APC: variants seen among roughly 807,000 people sequenced by gnomAD.
APC encodes the protein APC regulator of Wnt signaling pathway, also known as adenomatous polyposis coli protein.
In APC, 72 loss-of-function variants were observed where a neutral mutation model predicts 247.0. The observed-to-expected ratio is 0.29, with a 90% CI of 0.24 to 0.35. APC has a LOEUF of 0.35. APC is among the 10% of genes least tolerant of loss of function. The probability of loss-of-function intolerance (pLI) is 1.00; values close to 1 mark genes in which losing one functional copy is unlikely to be tolerated. For missense variants in APC, 3,400 were observed against 3,360.7 expected (o/e 1.01, Z -0.29); for synonymous variants, 1,254 against 1,162.5 (o/e 1.08, Z -1.60).
At chr5:112,709,894 C>T (rs1750749613) in intron 1 of APC, among the ~76,000 whole-genome samples, 1 of 152,092 alleles carries the variant, frequency 6.6e-6, no homozygotes, top group Non-Finnish European at 1.5e-5. Context: ...GACAGTAAGA[C>T]CCTGTCTCCT....
chr5:112,716,102 G>A (rs1581015402), intron 1 of APC, among the ~76,000 whole-genome samples: 2 of 152,088 alleles, frequency 1.3e-5, no homozygotes, highest in Admixed American at 6.5e-5. Context: ...TTTCTGTTGC[G>A]TTAATTTCTG....
At chr5:112,735,558 T>C (rs1752341475), upstream of APC, among the ~76,000 whole-genome samples, 1 of 151,754 alleles carries the variant, frequency 6.6e-6, no homozygotes, top group African/African-American at 2.4e-5. Context: ...CAAATAGAGA[T>C]GGCAGGAGCT....
chr5:112,827,012 T>C (rs930195218), intron 11 of APC, 96 bp from the exon 12 acceptor site: 24 of 1,217,900 alleles, frequency 2.0e-5, no homozygotes, highest in African/African-American at 4.5e-5. Context: ...TTCTCATTGA[T>C]TGAGTTTTTT....
Position 112,844,191 on chromosome 5 carries a change from T to A in APC, c.*65T>A, listed in dbSNP as rs1461337157. 6.9e-7 allele frequency: 1 copy of A among 1,455,504 alleles called. No individual in the cohort carries two copies. The highest frequency in any genetic ancestry group is 9.4e-7 in the Non-Finnish European group (1 of 1,062,868). 90.2% of individuals were successfully genotyped at this position (1,455,504 alleles called of 1,614,324 possible). A position where few individuals can be genotyped will look rare whatever the true frequency, so the allele number is the denominator to read the frequency against. ...TACAACTGCTATATAGACATTTTGTTTCAAATGAAACTTTAAAAGACTGAA... is the reference window on the plus strand; with the variant it reads ...TACAACTGCTATATAGACATTTTGTATCAAATGAAACTTTAAAAGACTGAA... On this transcript the variant is annotated 3_prime_UTR_variant, in exon 16 of 16. Coordinates refer to ENST00000257430, the MANE Select transcript of APC (RefSeq NM_000038.6).
rs1554084362 is a variant in APC, at chr5:112,838,264, C to A, written c.2670C>A (p.Val890=). ...CCACTGCAGCCCAGATTGCCAAAGTCATGGAAGAAGTGTCAGCCATTCATA... is the reference window on the plus strand; with the variant it reads ...CCACTGCAGCCCAGATTGCCAAAGTAATGGAAGAAGTGTCAGCCATTCATA... The part of the protein sequence containing the change: ...ISTTAAQIAK[V]MEEVSAIHTS... The change falls in exon 16 of 16, where the codon GTC becomes GTA. Residue 890 remains valine, a synonymous_variant. Coordinates refer to ENST00000257430, the MANE Select transcript of APC (RefSeq NM_000038.6). 6.2e-7 allele frequency: 1 copy of A among 1,614,232 alleles called. No individual in the cohort carries two copies. Among genetic ancestry groups the A allele is most frequent in the South Asian group, 1.1e-5 (1 of 91,086 alleles).
intron 1 of APC, among the ~76,000 whole-genome samples, chr5:112,745,307 C>T (rs1240280556): frequency 6.6e-6 from 1 of 151,792 alleles, no homozygotes; most frequent in Admixed American, 6.6e-5. Context: ...ACTCAAAAAG[C>T]CTTATATACC....
chr5:112,763,421 C>A (rs981131928), intron 2 of APC, among the ~76,000 whole-genome samples: 1 of 151,642 alleles, frequency 6.6e-6, no homozygotes, highest in Admixed American at 6.6e-5. Flanking sequence ...TTTACAGTTG[C>A]ATAGTATTCC....
intron 1 of APC, among the ~76,000 whole-genome samples, chr5:112,753,523 A>C (rs1754613504): frequency 6.6e-6 from 1 of 152,216 alleles, no homozygotes; most frequent in Admixed American, 6.5e-5. Flanking sequence ...AAGGGCAAAG[A>C]TTAAATCATG....
intron 1 of APC, among the ~76,000 whole-genome samples, chr5:112,749,469 T>TAA (rs1308560590): frequency 6.7e-6 from 1 of 149,796 alleles, no homozygotes; most frequent in Non-Finnish European, 1.5e-5. Flanking sequence ...TATTAATACT[T>TAA]ACTGCTCCAA....
chr5:112,837,923 G>C lies in APC; in HGVS notation c.2329G>C (p.Asp777His), dbSNP rs1176994439. 1 of 1,614,036 alleles carries C rather than the reference G, an allele frequency of 6.2e-7. No homozygotes were observed. The highest frequency in any genetic ancestry group is 1.1e-5 in the South Asian group (1 of 91,070). ...CTTATCAGAAACTTTTGACAATATA[G>C]ACAATTTAAGTCCCAAGGCATCTCA... ...QHLSETFDNIDNLSPKASHRS... is the reference protein window; with the variant it reads ...QHLSETFDNIHNLSPKASHRS... Residue 777 changes from aspartate (D) to histidine (H), a missense_variant, in exon 16 of 16, where the codon GAC becomes CAC. Around this residue, in one of 9 missense-constraint regions of APC, gnomAD observed 91 missense variants for 103.3 expected, o/e 0.88. Transcript: ENST00000257430.
In APC at chr5:112,819,190, A is replaced by G. The variant is rs370669642; in HGVS notation, c.1158A>G (p.Ala386=). Residue 386 remains alanine, a synonymous_variant, in exon 10 of 16, where the codon GCA becomes GCG. Transcript: ENST00000257430. ...AGGCTCGGGCCAGGGCCAGTGCAGC[A>G]CTCCACAACATCATTCACTCACAGC... ...SKEARARASA[A]LHNIIHSQPD... The G allele has an allele frequency of 6.2e-6, 10 of 1,613,820 alleles. No homozygotes were observed. Among genetic ancestry groups the G allele is most frequent in the Non-Finnish European group, 7.6e-6 (9 of 1,179,974 alleles).
intron 14 of APC, chr5:112,829,397 A>C (rs1416189335): frequency 5.4e-6 from 1 of 184,254 alleles, no homozygotes; most frequent in Non-Finnish European, 1.1e-5. Flanking sequence ...CGGCCTCCCA[A>C]AGTGCTGGGA....
Position 112,844,217 on chromosome 5 carries a change from A to G in APC, c.*91A>G. On this transcript the variant is annotated 3_prime_UTR_variant, in exon 16 of 16. Coordinates refer to ENST00000257430, the MANE Select transcript of APC (RefSeq NM_000038.6). ...TCAAATGAAACTTTAAAAGACTGAA[A>G]AATTTTGTAAATAGGTTTGATTCTT... is the stretch of plus-strand genomic sequence containing the variant. 8.2e-7 allele frequency: 1 copy of G among 1,213,552 alleles called. No homozygotes were observed. The highest frequency in any genetic ancestry group is 2.3e-5 in the Admixed American group (1 of 42,932). The allele number at this position is 1,213,552 out of a possible 1,614,324, so 75.2% of individuals were successfully genotyped here. A position where few individuals can be genotyped will look rare whatever the true frequency, so the allele number is the denominator to read the frequency against.
chr5:112,725,913 TG>T (rs1751749817), intron 1 of APC, among the ~76,000 whole-genome samples: 2 of 152,192 alleles, frequency 1.3e-5, no homozygotes, highest in South Asian at 4.1e-4. Context: ...AGGTACAGAC[TG>T]GTTCAGGATC....
In APC at chr5:112,827,180, G is replaced by C. The variant is rs1554081691; in HGVS notation, c.1481G>C (p.Ser494Thr). The C allele has an allele frequency of 6.2e-7, 1 of 1,613,856 alleles. No homozygotes were observed. Among genetic ancestry groups the C allele is most frequent in the Non-Finnish European group, 8.5e-7 (1 of 1,179,848 alleles). Residue 494 changes from serine to threonine, a missense_variant, in exon 12 of 16, where the codon AGT becomes ACT. Ser to Thr is a moderately conservative substitution (Grantham distance 58). Coordinates refer to ENST00000257430, the MANE Select transcript of APC (RefSeq NM_000038.6). ...TATGGGCTTACTAATGACCACTACAGTATTACACTAAGACGATATGCTGGA... is the reference window on the plus strand; with the variant it reads ...TATGGGCTTACTAATGACCACTACACTATTACACTAAGACGATATGCTGGA... ...EMYGLTNDHYSITLRRYAGMA... is the reference protein window; with the variant it reads ...EMYGLTNDHYTITLRRYAGMA...
intron 4 of APC, among the ~76,000 whole-genome samples, chr5:112,774,464 ATTTTTTT>A (rs35554771): frequency 1.2e-4 from 14 of 121,268 alleles, no homozygotes; most frequent in African/African-American, 1.5e-4. Context: ...TGCAAGATCG[ATTTTTTT>A]TTTTTTTTTT....
chr5:112,732,056 A>G (rs115353669), intron 1 of APC, among the ~76,000 whole-genome samples: 4,484 of 152,254 alleles, frequency 0.029, 211 homozygotes, highest in African/African-American at 0.1. Context: ...GCCATTGCAC[A>G]TGACCAGAAC....
intron 1 of APC, among the ~76,000 whole-genome samples, chr5:112,723,663 G>C (rs776628374): frequency 1.2e-4 from 18 of 152,022 alleles, no homozygotes; most frequent in Admixed American, 5.2e-4. Flanking sequence ...TCCCAGCCCT[G>C]CCCACAAAAA....
At position 112,707,756 on chromosome 5, in the gene APC, G is replaced by A. The variant is rs772953367; in HGVS notation, c.39G>A (p.Leu13=). The change falls in exon 1 of 14, where the codon TTG becomes TTA. Residue 13 remains leucine, a synonymous_variant. Transcript: ENST00000507379. Reference sequence around the variant, plus strand: ...TGGGCTCGGGTCCGGTCGCCCCTTTGCCCGCTTCTGTACCACCCTCAGTTC... The same window carrying A: ...TGGGCTCGGGTCCGGTCGCCCCTTTACCCGCTTCTGTACCACCCTCAGTTC... The A allele has an allele frequency of 7.3e-7, 1 of 1,370,616 alleles. No homozygotes were observed. The allele number at this position is 1,370,616 out of a possible 1,614,324, so 84.9% of individuals were successfully genotyped here. A position where few individuals can be genotyped will look rare whatever the true frequency, so the allele number is the denominator to read the frequency against.
Sources: gnomAD v4.1 joint callset for allele counts (sites outside exome capture counted in the v4.1 genomes callset) on GRCh38, gnomAD v4.1.1 for gene constraint, gnomAD v4.1.1 regional missense constraint, MANE v1.5 for transcripts, NCBI Gene and HGNC (gene_info 2026-07-23, HGNC 2026-07-21) for gene names.